The following ABL1 variants were observed in gnomAD, a reference collection of about 807,000 sequenced individuals.
The protein encoded by ABL1 is tyrosine-protein kinase ABL1.
In ABL1, 11 loss-of-function variants were observed where a neutral mutation model predicts 94.7. The ratio of observed to expected loss-of-function variants is 0.12; its 90% CI spans 0.07 to 0.19. The LOEUF is 0.19. Ranked by LOEUF, ABL1 falls within the 10% of genes least tolerant of loss-of-function variation. The pLI, the probability that ABL1 is intolerant of heterozygous loss-of-function variation, is 1.00. For missense variants in ABL1, 1,082 were observed against 1,489.4 expected (o/e 0.73, Z 4.50); for synonymous variants, 656 against 622.4 (o/e 1.05, Z -0.80).
intron 1 of ABL1, among the ~76,000 whole-genome samples, chr9:130,806,791 A>G (rs975079103): frequency 2.0e-5 from 3 of 152,236 alleles, no homozygotes; most frequent in Admixed American, 2.0e-4. Context: ...TTATTTTTTT[A>G]ACATAACAAT....
At chr9:130,760,668 CT>C (rs923172063) in intron 1 of ABL1, among the ~76,000 whole-genome samples, 193 of 145,290 alleles carry the variant, frequency 1.3e-3, no homozygotes, top group Middle Eastern at 3.6e-3. Context: ...TCCTCCCCCA[CT>C]TTTTTTTTTT....
rs2229071 is a variant in ABL1 at position 130,884,719 on chromosome 9, C to A, written c.2429C>A (p.Pro810Gln). 1 of 1,612,440 alleles carries A rather than the reference C, an allele frequency of 6.2e-7. No individual in the cohort carries two copies. Among genetic ancestry groups the A allele is most frequent in the Non-Finnish European group, 8.5e-7 (1 of 1,179,908 alleles). ...DIMESSPGSS[P>Q]PNLTPKPLRR... ...ATGGAGTCCAGCCCGGGCTCCAGCC[C>A]GCCCAACCTGACTCCAAAACCCCTC... The change falls in exon 11 of 11, where the codon CCG (proline) becomes CAG (glutamine). Residue 810 changes from proline to glutamine, a missense_variant. This residue lies in a region of ABL1 where 780 missense variants were observed against 835.8 expected (regional missense o/e 0.93). Coordinates refer to ENST00000318560, the MANE Select transcript of ABL1 (RefSeq NM_005157.6). This position sits in a 1 kb window ranked among gnomAD's most constrained non-coding sequence, Gnocchi z 5.6.
intron 1 of ABL1, among the ~76,000 whole-genome samples, chr9:130,723,501 T>A (rs1467076632): frequency 2.0e-5 from 3 of 152,156 alleles, no homozygotes; most frequent in Admixed American, 1.3e-4. Context: ...ACTGTGATCA[T>A]ATCATTGTAC....
At position 130,882,992 on chromosome 9, in the gene ABL1, G is replaced by C. The variant is rs546374026; in HGVS notation, c.1679-977G>C. Among the ~76,000 whole-genome samples the C allele has an allele frequency of 3.1e-4, 47 of 152,090 alleles. 1 individual carries two copies. The East Asian group carries it at 8.2e-3, about 27-fold the overall frequency. On this transcript the variant is annotated intron_variant, in intron 10 of 10. Transcript: ENST00000318560. ...GCTCCCGTGGCACAAGCTGGGGGCTGCCCCCACCCCATGCTCCCCAGAGGA... is the reference window on the plus strand; with the variant it reads ...GCTCCCGTGGCACAAGCTGGGGGCTCCCCCCACCCCATGCTCCCCAGAGGA...
intron 1 of ABL1, among the ~76,000 whole-genome samples, chr9:130,789,525 TACAC>T (rs59537102): frequency 0.021 from 3,156 of 148,938 alleles, 113 homozygotes; most frequent in African/African-American, 0.072. Context: ...AAAAAGGACA[TACAC>T]ACACACACAC....
At chr9:130,882,890 C>T (rs1370965926) in intron 10 of ABL1, among the ~76,000 whole-genome samples, 1 of 152,114 alleles carries the variant, frequency 6.6e-6, no homozygotes, top group Non-Finnish European at 1.5e-5. Flanking sequence ...CATTAAAAAA[C>T]TGTTGGCCGG....
chr9:130,745,510 A>G (rs1050791934), intron 1 of ABL1, among the ~76,000 whole-genome samples: 9 of 151,754 alleles, frequency 5.9e-5, no homozygotes, highest in African/African-American at 2.2e-4. Context: ...AGCAAAACTC[A>G]TGATACCTCC....
At position 130,883,689 on chromosome 9, in the gene ABL1, C is replaced by T. The variant is rs530848473; in HGVS notation, c.1679-280C>T. 2.6e-5 allele frequency among the ~76,000 whole-genome samples: 4 copies of T among 152,314 alleles called. No homozygotes were observed. The South Asian group carries it at 6.2e-4, about 24-fold the overall frequency. ...GCAAAGGGTCAAAACCTGTGGCTCT[C>T]CTGCCAGCCAGCTAGCCGAGAGGCC... On this transcript the variant is annotated intron_variant, in intron 10 of 10. Transcript: ENST00000318560.
chr9:130,866,617 T>C (rs76512613), intron 4 of ABL1, among the ~76,000 whole-genome samples: 2,335 of 152,150 alleles, frequency 0.015, 58 homozygotes, highest in African/African-American at 0.053. Flanking sequence ...TCAAGCAACC[T>C]TGGGTCATTC....
rs1831424175 is a variant in ABL1, at chr9:130,880,022, C to CT, written c.1424-45dup. On this transcript the variant is annotated intron_variant, in intron 8 of 10. Coordinates refer to ENST00000318560, the MANE Select transcript of ABL1 (RefSeq NM_005157.6). This position sits in a 1 kb window ranked among gnomAD's most constrained non-coding sequence, Gnocchi z 4.4. ...CTTGAGAACTGCTAGCCCCGTATTG[C>CT]TAGCCAGATCTCATGGATGATCTGA... The CT allele has an allele frequency of 3.2e-6, 5 of 1,563,532 alleles. No individual in the cohort carries two copies. Among genetic ancestry groups the CT allele is most frequent in the Admixed American group, 1.7e-5 (1 of 59,960 alleles).
chr9:130,726,191 A>G (rs1293930068), intron 1 of ABL1, among the ~76,000 whole-genome samples: 2 of 111,348 alleles, frequency 1.8e-5, no homozygotes, highest in African/African-American at 4.8e-5. Context: ...TAATATGCAT[A>G]CAGAAAGGGG....
intron 1 of ABL1, among the ~76,000 whole-genome samples, chr9:130,725,351 C>T (rs985202494): frequency 3.3e-5 from 5 of 149,670 alleles, no homozygotes; most frequent in African/African-American, 1.3e-4. Flanking sequence ...CCTTTTGTGT[C>T]TGGCTTATTT....
At position 130,862,666 on chromosome 9, in the gene ABL1, G is replaced by T; in HGVS notation, c.550-97G>T. On this transcript the variant is annotated intron_variant, in intron 3 of 10. Coordinates refer to ENST00000318560, the MANE Select transcript of ABL1 (RefSeq NM_005157.6). This position sits in a 1 kb window ranked among gnomAD's most constrained non-coding sequence, Gnocchi z 5.5. Reference sequence around the variant, plus strand: ...TGGAGAGCTCCTTATGTGAGATTTTGCTGTGTAGTGAATTAAGGCTCAGCC... The same window carrying T: ...TGGAGAGCTCCTTATGTGAGATTTTTCTGTGTAGTGAATTAAGGCTCAGCC... The T allele has an allele frequency of 2.2e-6, 3 of 1,361,100 alleles. No homozygotes were observed. The Admixed American group carries it at 6.7e-5, about 30-fold the overall frequency. The allele number at this position is 1,361,100 out of a possible 1,614,324, so 84.3% of individuals were successfully genotyped here.
Position 130,884,356 on chromosome 9 carries a change from A to G in ABL1, c.2066A>G (p.Lys689Arg). The G allele has an allele frequency of 6.2e-7, 1 of 1,612,110 alleles. No individual in the cohort carries two copies. The highest frequency in any genetic ancestry group is 8.5e-7 in the Non-Finnish European group (1 of 1,179,748). The change falls in exon 11 of 11, where the codon AAG becomes AGG. Residue 689 changes from lysine (K) to arginine (R), a missense_variant. Coordinates refer to ENST00000318560, the MANE Select transcript of ABL1 (RefSeq NM_005157.6). The surrounding 1 kb of genome is among the most constrained non-coding windows in gnomAD (Gnocchi z 5.6). ...TTCCGGTCTCCCCACCTGTGGAAGA[A>G]GTCCAGCACGCTGACCAGCAGCCGC... ...SGFRSPHLWK[K>R]SSTLTSSRLA...
chr9:130,832,186 C>T (rs528186170), upstream of ABL1, among the ~76,000 whole-genome samples: 350 of 147,122 alleles, frequency 2.4e-3, no homozygotes, highest in Non-Finnish European at 4.1e-3. Context: ...TGTGGTGGTG[C>T]GATCACTGCT....
intron 1 of ABL1, among the ~76,000 whole-genome samples, chr9:130,730,675 G>A (rs116809851): frequency 0.015 from 2,281 of 151,878 alleles, 26 homozygotes; most frequent in African/African-American, 0.031. Flanking sequence ...GGGCTCAAGC[G>A]GTCCTCCAAC....
At chr9:130,846,513 C>T (rs1386744549) in intron 1 of ABL1, among the ~76,000 whole-genome samples, 1 of 152,192 alleles carries the variant, frequency 6.6e-6, no homozygotes, top group African/African-American at 2.4e-5. Context: ...CTGACATGCT[C>T]CATCCTCCTG....
intron 3 of ABL1, among the ~76,000 whole-genome samples, chr9:130,859,071 A>T (rs1273120468): frequency 6.6e-6 from 1 of 152,138 alleles, no homozygotes; most frequent in Non-Finnish European, 1.5e-5. Context: ...TTTGACTGTC[A>T]TTGTTCTGAT....
intron 1 of ABL1, among the ~76,000 whole-genome samples, chr9:130,753,600 A>G (rs1831997647): frequency 6.7e-6 from 1 of 150,216 alleles, no homozygotes; most frequent in Non-Finnish European, 1.5e-5. Flanking sequence ...CAATTTTTGT[A>G]TTTTTAGTAG....
Sources: gnomAD v4.1 joint callset for allele counts (sites outside exome capture counted in the v4.1 genomes callset) on GRCh38, gnomAD v4.1.1 for gene constraint, gnomAD v4.1.1 regional missense constraint, Gnocchi (gnomAD v3.1) non-coding constraint, MANE v1.5 for transcripts, NCBI Gene and HGNC (gene_info 2026-07-23, HGNC 2026-07-21) for gene names.